Variants in HCN1 observed in about 807,000 individuals in gnomAD.
The protein encoded by HCN1 is hyperpolarization activated cyclic nucleotide gated potassium channel 1.
A neutral mutation model predicts 78.9 loss-of-function variants in HCN1; 13 were observed. That is an observed-to-expected ratio of 0.16 (90% CI 0.11 to 0.26). The LOEUF is 0.26. Ranked by LOEUF, HCN1 falls within the 10% of genes least tolerant of loss-of-function variation. The pLI, the probability that HCN1 is intolerant of heterozygous loss-of-function variation, is 1.00. For missense variants in HCN1, 810 were observed against 1,154.3 expected, an observed-to-expected ratio of 0.70 and a Z score of 4.32; for synonymous variants, 552 against 455.5, an observed-to-expected ratio of 1.21 and a Z score of -2.70.
At chr5:45,455,930 A>G (rs1741020709) in intron 3 of HCN1, among the ~76,000 whole-genome samples, 1 of 151,914 alleles carries the variant, frequency 6.6e-6, no homozygotes, top group Non-Finnish European at 1.5e-5. Flanking sequence ...GCACGTGGCT[A>G]TTTGGTTGTT....
intron 2 of HCN1, among the ~76,000 whole-genome samples, chr5:45,566,953 ATACAGG>A (rs2111893548): frequency 6.6e-6 from 1 of 152,282 alleles, no homozygotes; most frequent in Non-Finnish European, 1.5e-5. Flanking sequence ...TTTCTCTCTG[ATACAGG>A]TTATAGGTTA....
At chr5:45,520,979 T>C (rs1366101579) in intron 2 of HCN1, among the ~76,000 whole-genome samples, 2 of 152,034 alleles carry the variant, frequency 1.3e-5, no homozygotes, top group East Asian at 3.9e-4. Flanking sequence ...ACCAGCTACT[T>C]TCCTAAGAGG....
intron 2 of HCN1, among the ~76,000 whole-genome samples, chr5:45,499,543 C>G (rs934464303): frequency 1.9e-4 from 29 of 151,702 alleles, no homozygotes; most frequent in Non-Finnish European, 4.0e-4. Context: ...AGAAATCACC[C>G]GTCTTCTGCG....
intron 1 of HCN1, among the ~76,000 whole-genome samples, chr5:45,690,061 G>T (rs983922323): frequency 6.6e-6 from 1 of 152,052 alleles, no homozygotes; most frequent in African/African-American, 2.4e-5. Context: ...ACAATGAAGA[G>T]TAAGGTGCGA....
At chr5:45,665,472 T>G (rs573626598) in intron 1 of HCN1, among the ~76,000 whole-genome samples, 1 of 145,030 alleles carries the variant, frequency 6.9e-6, no homozygotes, top group African/African-American at 2.5e-5. Context: ...AAAAAAGATA[T>G]GGCTTTTACC....
At chr5:45,315,845 C>T (rs1420142380) in intron 5 of HCN1, among the ~76,000 whole-genome samples, 2 of 152,028 alleles carry the variant, frequency 1.3e-5, no homozygotes, top group South Asian at 2.1e-4. Context: ...ACACATACAC[C>T]CTCCCAAGAA....
intron 1 of HCN1, among the ~76,000 whole-genome samples, chr5:45,651,235 C>A (rs1384256563): frequency 6.6e-6 from 1 of 151,522 alleles, no homozygotes; most frequent in Non-Finnish European, 1.5e-5. Flanking sequence ...AAATAGAATT[C>A]CCAAAAGATA....
chr5:45,401,596 T>C (rs1374093054), intron 3 of HCN1, among the ~76,000 whole-genome samples: 1 of 151,874 alleles, frequency 6.6e-6, no homozygotes, highest in Non-Finnish European at 1.5e-5. Context: ...GTCCTGAATG[T>C]TTTTTCAGAT....
At chr5:45,397,832 T>C (rs1255398861) in intron 3 of HCN1, among the ~76,000 whole-genome samples, 2 of 151,676 alleles carry the variant, frequency 1.3e-5, no homozygotes, top group Non-Finnish European at 2.9e-5. Context: ...GTCATAAAAT[T>C]TTTCTGGCTT....
Position 45,523,018 on chromosome 5 carries a change from C to A in HCN1, c.850-61011G>T, listed in dbSNP as rs911773702. On this transcript the variant is annotated intron_variant, in intron 2 of 7. Transcript: ENST00000303230. ...GGCCATCCCTCCCCACTCCCCCCAC[C>A]CCACAACAGTCCCCAGAGTGTGATG... is the stretch of plus-strand genomic sequence containing the variant. 6.6e-4 allele frequency among the ~76,000 whole-genome samples: 100 copies of A among 151,788 alleles called. 1 individual carries two copies. Among genetic ancestry groups the A allele is most frequent in the African/African-American group, 2.3e-3 (95 of 41,330 alleles).
At chr5:45,376,171 A>G (rs1747651094) in intron 4 of HCN1, among the ~76,000 whole-genome samples, 2 of 15,952 alleles carry the variant, frequency 1.3e-4, no homozygotes, top group East Asian at 1.3e-3. Flanking sequence ...TTTATAATAT[A>G]TAATATATTA....
chr5:45,542,044 ATAT>A (rs986426251), intron 2 of HCN1, among the ~76,000 whole-genome samples: 2 of 152,138 alleles, frequency 1.3e-5, no homozygotes, highest in African/African-American at 4.8e-5. Context: ...TAATTAATTA[ATAT>A]ATTTTTCTAT....
intron 2 of HCN1, 161 bp downstream of exon 2, chr5:45,645,024 G>T: frequency 5.4e-5 from 31 of 571,118 alleles, no homozygotes; most frequent in South Asian, 2.0e-4. Context: ...TATATTTTAG[G>T]GATACAAATA....
intron 5 of HCN1, among the ~76,000 whole-genome samples, chr5:45,344,958 A>T (rs1188161987): frequency 1.3e-5 from 2 of 152,152 alleles, no homozygotes; most frequent in Non-Finnish European, 2.9e-5. Context: ...TCCCTACCAC[A>T]CTGCCCTAGC....
chr5:45,337,237 C>G (rs1260430055), intron 5 of HCN1, among the ~76,000 whole-genome samples: 1 of 150,770 alleles, frequency 6.6e-6, no homozygotes, highest in Admixed American at 6.6e-5. Flanking sequence ...TATTTTTCTT[C>G]TTAAAGTTAA....
At chr5:45,509,043 A>G (rs1742359933) in intron 2 of HCN1, among the ~76,000 whole-genome samples, 1 of 152,154 alleles carries the variant, frequency 6.6e-6, no homozygotes, top group Non-Finnish European at 1.5e-5. Context: ...TGAGTAAAAT[A>G]ATGATTTTCC....
At chr5:45,671,275 A>C (rs956638960) in intron 1 of HCN1, among the ~76,000 whole-genome samples, 13 of 151,422 alleles carry the variant, frequency 8.6e-5, no homozygotes, top group African/African-American at 3.1e-4. Context: ...ATATCCCTTC[A>C]CTAGTTCTCC....
intron 1 of HCN1, among the ~76,000 whole-genome samples, chr5:45,684,445 G>A (rs1419305007): frequency 6.6e-6 from 1 of 152,106 alleles, no homozygotes; most frequent in Non-Finnish European, 1.5e-5. Context: ...CACTTACATG[G>A]ATATTCAGGG....
At chr5:45,600,684 CAT>C (rs1744603910) in intron 2 of HCN1, among the ~76,000 whole-genome samples, 2 of 152,172 alleles carry the variant, frequency 1.3e-5, no homozygotes, top group Admixed American at 1.3e-4. Context: ...ATGGCCAATT[CAT>C]AGAGATGTTG....
Sources: gnomAD v4.1 joint callset for allele counts (sites outside exome capture counted in the v4.1 genomes callset) on GRCh38, gnomAD v4.1.1 for gene constraint, MANE v1.5 for transcripts, NCBI Gene and HGNC (gene_info 2026-07-23, HGNC 2026-07-21) for gene names.